Variants in HHAT observed in about 807,000 individuals in gnomAD.
The protein encoded by HHAT is protein-cysteine N-palmitoyltransferase HHAT.
HHAT carries 47 observed loss-of-function variants against 70.8 expected under a neutral mutation model. The ratio of observed to expected loss-of-function variants is 0.66; its 90% confidence interval spans 0.53 to 0.85. HHAT has a LOEUF of 0.85. HHAT is among the 40% of genes least tolerant of loss of function. The pLI, the probability that HHAT is intolerant of heterozygous loss-of-function variation, is 0.00. For synonymous variants in HHAT, 228 were observed against 247.6 expected (o/e 0.92, Z 0.74); for missense variants, 609 against 604.8 (o/e 1.01, Z -0.07).
chr1:210,633,165 G>T (rs1435810893), intron 11 of HHAT, among the ~76,000 whole-genome samples: 2 of 152,212 alleles, frequency 1.3e-5, no homozygotes, highest in East Asian at 3.8e-4. Flanking sequence ...GTATGAAGTT[G>T]GGGTAGGGAG....
chr1:210,537,807 AAC>A (rs1461680605), intron 9 of HHAT, among the ~76,000 whole-genome samples: 13 of 152,334 alleles, frequency 8.5e-5, no homozygotes, highest in African/African-American at 3.1e-4. Context: ...TTTAAGGAGA[AAC>A]AGAACAAAGT....
At chr1:210,539,478 G>C (rs969375549) in intron 9 of HHAT, among the ~76,000 whole-genome samples, 1 of 152,210 alleles carries the variant, frequency 6.6e-6, no homozygotes, top group Non-Finnish European at 1.5e-5. Context: ...TGCTAAAGTG[G>C]TAGGAGTAGG....
intron 8 of HHAT, among the ~76,000 whole-genome samples, chr1:210,504,899 A>AT (rs2094823774): frequency 9.1e-6 from 1 of 109,478 alleles, no homozygotes; most frequent in Non-Finnish European, 1.9e-5. Flanking sequence ...GTAGCTTTTT[A>AT]TTCTTTTTTT....
intron 6 of HHAT, among the ~76,000 whole-genome samples, chr1:210,412,327 G>A (rs1377350060): frequency 6.6e-6 from 1 of 152,044 alleles, no homozygotes; most frequent in Non-Finnish European, 1.5e-5. Flanking sequence ...CATCCTAATA[G>A]CCCCAATAGT....
chr1:210,329,241 G>A (rs1366247352), intron 1 of HHAT, 137 bp downstream of exon 1: 1 of 1,236,924 alleles, frequency 8.1e-7, no homozygotes, highest in Non-Finnish European at 1.0e-6. Context: ...GCCCGAGGGC[G>A]GGACAGAGGA....
In HHAT at chr1:210,602,991, T is replaced by C. The variant is rs184519364; in HGVS notation, c.1245+14892T>C. On this transcript the variant is annotated intron_variant, in intron 10 of 11. Coordinates refer to ENST00000261458, the MANE Select transcript of HHAT (RefSeq NM_018194.6). ...ATGGCGAAAGCATTTTCAAGGGTTC[T>C]TTTTAACTTTCCATGACTGAGTCGG... 7.1e-3 allele frequency among the ~76,000 whole-genome samples: 1,075 copies of C among 152,332 alleles called. 15 individuals carry two copies. The highest frequency in any genetic ancestry group is 0.023 in the African/African-American group (977 of 41,578).
intron 9 of HHAT, among the ~76,000 whole-genome samples, chr1:210,576,573 G>A (rs923907604): frequency 1.5e-4 from 23 of 151,478 alleles, no homozygotes; most frequent in Non-Finnish European, 2.4e-4. Context: ...GCTAAATGAC[G>A]AGTTAATGAG....
intron 9 of HHAT, among the ~76,000 whole-genome samples, chr1:210,584,758 A>T (rs933491876): frequency 6.6e-6 from 1 of 151,946 alleles, no homozygotes; most frequent in Non-Finnish European, 1.5e-5. Context: ...TCTCCCCTGC[A>T]CTCTGGAACC....
intron 9 of HHAT, among the ~76,000 whole-genome samples, chr1:210,532,157 A>G (rs559045891): frequency 3.6e-4 from 55 of 152,374 alleles, no homozygotes; most frequent in Non-Finnish European, 7.1e-4. Context: ...GTTTATTAAT[A>G]TACTGAGTCT....
rs1312734990 is a variant in HHAT, at chr1:210,675,075, C to T, written c.*696C>T. On this transcript the variant is annotated 3_prime_UTR_variant, in exon 12 of 12. Coordinates refer to ENST00000261458, the MANE Select transcript of HHAT (RefSeq NM_018194.6). ...TGCAGAGAAGTATAACATGGTAGTTCCTCTACCTTACAGTTAATCGTTTCT... is the reference window on the plus strand; with the variant it reads ...TGCAGAGAAGTATAACATGGTAGTTTCTCTACCTTACAGTTAATCGTTTCT... The T allele has an allele frequency of 6.6e-6, 1 of 152,114 alleles. No homozygotes were observed. The highest frequency in any genetic ancestry group is 1.5e-5 in the Non-Finnish European group (1 of 68,046). The allele number at this position is 152,114 out of a possible 1,614,324, so 9.4% of individuals were successfully genotyped here.
At chr1:210,396,221 C>T (rs1434313492) in intron 4 of HHAT, among the ~76,000 whole-genome samples, 27 of 152,176 alleles carry the variant, frequency 1.8e-4, no homozygotes, top group Non-Finnish European at 3.5e-4. Flanking sequence ...TGTTTCATCT[C>T]CTATTAGAAA....
intron 10 of HHAT, among the ~76,000 whole-genome samples, chr1:210,592,826 A>C (rs1202190438): frequency 6.6e-6 from 1 of 151,152 alleles, no homozygotes; most frequent in Non-Finnish European, 1.5e-5. Context: ...TCTTTCTCTT[A>C]GTCTGGCTAA....
At chr1:210,618,027 G>A (rs1668091695) in intron 10 of HHAT, among the ~76,000 whole-genome samples, 1 of 152,214 alleles carries the variant, frequency 6.6e-6, no homozygotes, top group African/African-American at 2.4e-5. Context: ...GTTCTTGGAT[G>A]CTGTGTAGTT....
At chr1:210,670,309 C>T (rs922938277) in intron 11 of HHAT, among the ~76,000 whole-genome samples, 7 of 152,328 alleles carry the variant, frequency 4.6e-5, no homozygotes, top group Non-Finnish European at 8.8e-5. Context: ...AGGCCACCAA[C>T]AAGAGAGAGT....
intron 11 of HHAT, among the ~76,000 whole-genome samples, chr1:210,637,344 G>T (rs1398418396): frequency 6.6e-6 from 1 of 152,014 alleles, no homozygotes; most frequent in Non-Finnish European, 1.5e-5. Flanking sequence ...TCATGACTTT[G>T]GATTAAATAA....
chr1:210,336,287 A>ATTTTTTTTTTTTTTTTTTTTTT lies in HHAT; in HGVS notation c.-44+7185_-44+7206dup, dbSNP rs541795412. ...AGGCATGCACCACTGTGCCTGGCTA[A>ATTTTTTTTTTTTTTTTTTTTTT]TTTTTTTTTTTTTTTTTTTTTTTAG... On this transcript the variant is annotated intron_variant, in intron 1 of 11. Transcript: ENST00000261458. 3.2e-3 allele frequency among the ~76,000 whole-genome samples: 271 copies of ATTTTTTTTTTTTTTTTTTTTTT among 84,574 alleles called. 33 individuals are homozygous for ATTTTTTTTTTTTTTTTTTTTTT. Among genetic ancestry groups the ATTTTTTTTTTTTTTTTTTTTTT allele is most frequent in the Middle Eastern group, 7.0e-3 (1 of 142 alleles). 55.5% of individuals were successfully genotyped at this position (84,574 alleles called of 152,430 possible). A position where few individuals can be genotyped will look rare whatever the true frequency, so the allele number is the denominator to read the frequency against.
chr1:210,665,125 C>A (rs1034811057), intron 11 of HHAT, among the ~76,000 whole-genome samples: 2 of 152,214 alleles, frequency 1.3e-5, no homozygotes, highest in Non-Finnish European at 2.9e-5. Flanking sequence ...TGGGCTGTTA[C>A]ATGTGCATAG....
chr1:210,400,380 A>G (rs1572164306), intron 4 of HHAT, 88 bp from the exon 5 acceptor site: 2 of 1,209,584 alleles, frequency 1.7e-6, no homozygotes, highest in Non-Finnish European at 2.3e-6. Flanking sequence ...AGAACCTTCA[A>G]TATCACTTCC....
chr1:210,652,614 AG>A (rs940043862), intron 11 of HHAT, among the ~76,000 whole-genome samples: 1 of 152,218 alleles, frequency 6.6e-6, no homozygotes, highest in Non-Finnish European at 1.5e-5. Context: ...GTGCCCTCCA[AG>A]GGGGCTGCAG....
Sources: gnomAD v4.1 joint callset for allele counts (sites outside exome capture counted in the v4.1 genomes callset) on GRCh38, gnomAD v4.1.1 for gene constraint, MANE v1.5 for transcripts, NCBI Gene and HGNC (gene_info 2026-07-23, HGNC 2026-07-21) for gene names.